The following DNM3 variants were observed in gnomAD, a reference collection of about 807,000 sequenced individuals.
The protein encoded by DNM3 is dynamin-3.
DNM3 carries 47 observed loss-of-function variants against 101.6 expected under a neutral mutation model. That is an observed-to-expected ratio of 0.46 (90% CI 0.37 to 0.59). The LOEUF (loss-of-function observed/expected upper bound fraction) is 0.59, where lower values mean the gene tolerates loss of function less well. Among genes scored for constraint, DNM3 ranks in the 20% least tolerant of loss-of-function variants. The probability of loss-of-function intolerance (pLI) is 0.00; values close to 1 mark genes in which losing one functional copy is unlikely to be tolerated. For synonymous variants in DNM3, 385 were observed against 387.9 expected, an observed-to-expected ratio of 0.99 and a Z score of 0.09; for missense variants, 849 against 1,085.7, an observed-to-expected ratio of 0.78 and a Z score of 3.06.
At chr1:171,865,690 T>TA (rs1483566644) in intron 1 of DNM3, among the ~76,000 whole-genome samples, 1 of 152,210 alleles carries the variant, frequency 6.6e-6, no homozygotes, top group Non-Finnish European at 1.5e-5. Context: ...TATGATCACT[T>TA]AGACAGTTTT....
intron 17 of DNM3, among the ~76,000 whole-genome samples, chr1:172,339,505 C>T (rs2066594356): frequency 6.6e-6 from 1 of 152,140 alleles, no homozygotes; most frequent in African/African-American, 2.4e-5. Context: ...TAGATTTTGT[C>T]ATGCTATGCT....
intron 17 of DNM3, among the ~76,000 whole-genome samples, chr1:172,358,428 C>T (rs2067561588): frequency 6.6e-6 from 1 of 152,074 alleles, no homozygotes; most frequent in Non-Finnish European, 1.5e-5. Flanking sequence ...TTAGGAAAAT[C>T]CCTTTTTACA....
In DNM3 at chr1:172,013,173, G is replaced by C. The variant is rs2047234798; in HGVS notation, c.590-19229G>C. 3.3e-5 allele frequency among the ~76,000 whole-genome samples: 5 copies of C among 151,834 alleles called. No individual in the cohort carries two copies. The South Asian group carries it at 1.0e-3, about 32-fold the overall frequency. On this transcript the variant is annotated intron_variant, in intron 4 of 20. Coordinates refer to ENST00000627582, the MANE Select transcript of DNM3 (RefSeq NM_015569.5). ...ACGCAGTGTTCCAGATTACTTTTCTGGCAACTGCTGATGTGGTTTGTGGCT... is the reference window on the plus strand; with the variant it reads ...ACGCAGTGTTCCAGATTACTTTTCTCGCAACTGCTGATGTGGTTTGTGGCT...
intron 17 of DNM3, among the ~76,000 whole-genome samples, chr1:172,334,697 A>G (rs1412504059): frequency 2.0e-5 from 3 of 151,940 alleles, no homozygotes; most frequent in African/African-American, 4.8e-5. Flanking sequence ...GCTTCATATG[A>G]AAAATATATT....
At chr1:172,197,884 A>G (rs879149707) in intron 14 of DNM3, among the ~76,000 whole-genome samples, 1 of 152,018 alleles carries the variant, frequency 6.6e-6, no homozygotes, top group Admixed American at 6.6e-5. Context: ...CCCTCGTTGT[A>G]TTTGGATGCG....
At chr1:171,929,933 T>C (rs1390681331) in intron 2 of DNM3, among the ~76,000 whole-genome samples, 2 of 152,152 alleles carry the variant, frequency 1.3e-5, no homozygotes, top group Admixed American at 6.5e-5. Flanking sequence ...AATGGCTAAG[T>C]CATCCAAATA....
chr1:171,987,687 G>A lies in DNM3; in HGVS notation c.267G>A (p.Lys89=), dbSNP rs747540202. ...CCGAGTTTCTACATTGCAAAGGAAA[G>A]AAATTTACAGATTTTGATGAAGTTC... The part of the protein sequence containing the change: ...EYAEFLHCKG[K]KFTDFDEVRL... The change falls in exon 3 of 21, where the codon AAG becomes AAA. Residue 89 remains lysine (K), a synonymous_variant. Transcript: ENST00000627582. 4.4e-6 allele frequency: 7 copies of A among 1,592,178 alleles called. No individual in the cohort carries two copies. The African/African-American group carries it at 9.4e-5, about 21-fold the overall frequency.
At chr1:172,111,807 C>CT (rs199736416) in intron 13 of DNM3, among the ~76,000 whole-genome samples, 30,962 of 147,162 alleles carry the variant, frequency 0.21, 3,650 homozygotes, top group Non-Finnish European at 0.29. Context: ...AGATGGACTC[C>CT]TTTTTTTTTT....
At chr1:171,964,252 T>C (rs2043415462) in intron 2 of DNM3, among the ~76,000 whole-genome samples, 1 of 152,192 alleles carries the variant, frequency 6.6e-6, no homozygotes, top group Admixed American at 6.5e-5. Flanking sequence ...GGCACCTTTT[T>C]AAGTCTGATA....
intron 15 of DNM3, chr1:172,289,842 T>C: frequency 1.0e-6 from 1 of 982,922 alleles, no homozygotes; most frequent in Non-Finnish European, 1.2e-6. Context: ...AGTGGTTTTG[T>C]TGTTCTTTCC....
At chr1:172,112,121 A>G (rs551034055) in intron 13 of DNM3, among the ~76,000 whole-genome samples, 5 of 152,258 alleles carry the variant, frequency 3.3e-5, no homozygotes, top group African/African-American at 4.8e-5. Context: ...CTTGCAGAGC[A>G]TATACTCTTA....
At chr1:171,929,467 CCAAA>C (rs1350816138) in intron 2 of DNM3, among the ~76,000 whole-genome samples, 1 of 152,040 alleles carries the variant, frequency 6.6e-6, no homozygotes, top group African/African-American at 2.4e-5. Context: ...GCAAAGTCAC[CCAAA>C]CAGAGCATTG....
chr1:172,027,617 C>CACACACAG (rs34981346), intron 4 of DNM3, among the ~76,000 whole-genome samples: 2,494 of 147,080 alleles, frequency 0.017, 78 homozygotes, highest in African/African-American at 0.06. Flanking sequence ...CACACACACA[C>CACACACAG]AGAGAGAGAG....
chr1:172,235,607 G>A (rs1044164361), intron 14 of DNM3, among the ~76,000 whole-genome samples: 35 of 152,060 alleles, frequency 2.3e-4, no homozygotes, highest in East Asian at 7.7e-4. Context: ...AATGTCCAAC[G>A]ATGATAGACT....
chr1:172,333,447 A>G (rs1297471505), intron 17 of DNM3, among the ~76,000 whole-genome samples: 2 of 152,204 alleles, frequency 1.3e-5, no homozygotes, highest in Non-Finnish European at 2.9e-5. Context: ...ATCTGAATAG[A>G]TGGAGCAGGC....
chr1:171,950,623 G>A (rs999148100), intron 2 of DNM3, among the ~76,000 whole-genome samples: 1 of 152,152 alleles, frequency 6.6e-6, no homozygotes, highest in African/African-American at 2.4e-5. Flanking sequence ...TATAGAAAAT[G>A]CAAATTAACC....
intron 13 of DNM3, among the ~76,000 whole-genome samples, chr1:172,116,870 C>T (rs781250131): frequency 7.2e-5 from 11 of 152,156 alleles, no homozygotes; most frequent in African/African-American, 2.4e-4. Context: ...TTTCTTAGAA[C>T]GTACTTTGAG....
intron 15 of DNM3, among the ~76,000 whole-genome samples, chr1:172,259,667 T>C (rs1414714183): frequency 6.6e-6 from 1 of 152,154 alleles, no homozygotes; most frequent in Non-Finnish European, 1.5e-5. Context: ...AAGCAGCATA[T>C]AGTTAGATCA....
At chr1:172,103,010 T>C (rs1428147608) in intron 13 of DNM3, among the ~76,000 whole-genome samples, 1 of 152,214 alleles carries the variant, frequency 6.6e-6, no homozygotes. Context: ...CCAAAGTACA[T>C]AATTTTGAAT....
Sources: allele counts gnomAD v4.1 joint callset (sites outside exome capture counted in the v4.1 genomes callset), GRCh38; gene constraint gnomAD v4.1.1; transcripts MANE v1.5; gene names NCBI Gene and HGNC (gene_info 2026-07-23, HGNC 2026-07-21).